The following PAPSS2 variants were observed in gnomAD, a reference collection of about 807,000 sequenced individuals.
PAPSS2 encodes the protein 3'-phosphoadenosine 5'-phosphosulfate synthase 2.
In PAPSS2, 61 loss-of-function variants were observed where a neutral mutation model predicts 66.5. The ratio of observed to expected loss-of-function variants is 0.92; its 90% CI spans 0.75 to 1.14. The LOEUF is 1.14. PAPSS2 is among the 50% of genes most tolerant of loss of function. PAPSS2 has a pLI of 0.00. For synonymous variants in PAPSS2, 289 were observed against 287.5 expected (o/e 1.01, Z -0.05); for missense variants, 708 against 789.6 (o/e 0.90, Z 1.24).
chr10:87,669,738 C>T (rs77361232), intron 1 of PAPSS2, among the ~76,000 whole-genome samples: 2,666 of 152,270 alleles, frequency 0.018, 76 homozygotes, highest in African/African-American at 0.06. Context: ...TTCACCATCT[C>T]GCGAAGCAAG....
chr10:87,678,645 A>G (rs1852979265), intron 1 of PAPSS2, among the ~76,000 whole-genome samples: 1 of 152,220 alleles, frequency 6.6e-6, no homozygotes, highest in South Asian at 2.1e-4. Flanking sequence ...CAATTCTCAA[A>G]AGAAGACATG....
intron 1 of PAPSS2, among the ~76,000 whole-genome samples, chr10:87,680,110 G>T (rs1386112819): frequency 6.6e-6 from 1 of 151,866 alleles, no homozygotes; most frequent in Non-Finnish European, 1.5e-5. Context: ...TATTGATCAG[G>T]AGGATTTCCA....
chr10:87,743,587 G>A lies in PAPSS2; in HGVS notation c.1437G>A (p.Lys479=). The change falls in exon 11 of 13, where the codon AAG becomes AAA. Residue 479 remains lysine (K), a synonymous_variant. Transcript: ENST00000456849. Reference sequence around the variant, plus strand: ...TCGAGGAAGGGGTCCTGGATCCCAAGTCAACCATTGTTGCCATCTTTCCGT... The same window carrying A: ...TCGAGGAAGGGGTCCTGGATCCCAAATCAACCATTGTTGCCATCTTTCCGT... ...AVLEEGVLDP[K]STIVAIFPSP... is the part of the protein sequence containing the mutation. The A allele has an allele frequency of 6.2e-7, 1 of 1,614,154 alleles. No homozygotes were observed. Among genetic ancestry groups the A allele is most frequent in the Non-Finnish European group, 8.5e-7 (1 of 1,180,010 alleles).
intron 1 of PAPSS2, among the ~76,000 whole-genome samples, chr10:87,696,538 A>T (rs1853236925): frequency 6.6e-6 from 1 of 152,218 alleles, no homozygotes; most frequent in African/African-American, 2.4e-5. Context: ...AATATCATAG[A>T]TATGCCTATA....
chr10:87,725,810 C>G (rs1853651216), intron 8 of PAPSS2, among the ~76,000 whole-genome samples: 1 of 151,738 alleles, frequency 6.6e-6, no homozygotes, highest in Non-Finnish European at 1.5e-5. Context: ...ACCCTCTTGC[C>G]TCAGCCTCCT....
chr10:87,709,873 A>G (rs1853443436), intron 2 of PAPSS2, among the ~76,000 whole-genome samples: 1 of 152,248 alleles, frequency 6.6e-6, no homozygotes, highest in Non-Finnish European at 1.5e-5. Context: ...TTACAGAAAT[A>G]ACTTGCTGCT....
chr10:87,679,493 C>A (rs992026924), intron 1 of PAPSS2, among the ~76,000 whole-genome samples: 1 of 152,146 alleles, frequency 6.6e-6, no homozygotes, highest in African/African-American at 2.4e-5. Flanking sequence ...CTTCAAATAC[C>A]CTGACTTAAT....
chr10:87,740,180 C>A (rs780602735), intron 9 of PAPSS2, among the ~76,000 whole-genome samples: 61 of 151,774 alleles, frequency 4.0e-4, no homozygotes, highest in Non-Finnish European at 7.7e-4. Flanking sequence ...AATGATAAAT[C>A]TTAAGGTTTC....
In PAPSS2 at chr10:87,741,242, T is replaced by A; in HGVS notation, c.1094T>A (p.Met365Lys). The change falls in exon 10 of 13, where the codon ATG becomes AAG. Residue 365 changes from methionine to lysine, a missense_variant. Coordinates refer to ENST00000456849, the MANE Select transcript of PAPSS2 (RefSeq NM_001015880.2). ...TAACAATGTTCTTTCTAGATGGTGA[T>A]GGAAAGTGGGGACTGGCTGGTTGGT... ...CTKHPHIKMV[M>K]ESGDWLVGGD... 6.2e-7 allele frequency: 1 copy of A among 1,613,728 alleles called. No individual in the cohort carries two copies. The highest frequency in any genetic ancestry group is 8.5e-7 in the Non-Finnish European group (1 of 1,179,646).
chr10:87,676,596 T>G (rs1227449413), intron 1 of PAPSS2, among the ~76,000 whole-genome samples: 1 of 152,212 alleles, frequency 6.6e-6, no homozygotes, highest in Non-Finnish European at 1.5e-5. Context: ...ATTGCCTGAC[T>G]TCGTTTATCT....
chr10:87,699,623 G>A (rs1307472839), intron 1 of PAPSS2, among the ~76,000 whole-genome samples: 2 of 151,966 alleles, frequency 1.3e-5, no homozygotes, highest in Non-Finnish European at 2.9e-5. Context: ...AGGCTGAGGC[G>A]GGCCAATCAC....
chr10:87,714,203 C>T (rs7914388), intron 4 of PAPSS2, 21 bp downstream of exon 4: 11 of 1,609,826 alleles, frequency 6.8e-6, no homozygotes, highest in Middle Eastern at 1.6e-4. Context: ...TGGCTAGTAG[C>T]GTCTACCAGT....
At chr10:87,679,234 T>C (rs1852986499) in intron 1 of PAPSS2, among the ~76,000 whole-genome samples, 1 of 152,116 alleles carries the variant, frequency 6.6e-6, no homozygotes, top group Admixed American at 6.5e-5. Context: ...AAACTTGATA[T>C]CATCAAGGTA....
intron 1 of PAPSS2, among the ~76,000 whole-genome samples, chr10:87,691,965 G>A (rs1023333090): frequency 1.1e-4 from 16 of 152,034 alleles, no homozygotes; most frequent in African/African-American, 3.9e-4. Context: ...AAATTAAAGG[G>A]AATTTTACTC....
rs372592093 is a variant in PAPSS2, at chr10:87,713,044, G to T, written c.146-31G>T. On this transcript the variant is annotated intron_variant, in intron 2 of 12. Coordinates refer to ENST00000456849, the MANE Select transcript of PAPSS2 (RefSeq NM_001015880.2). The stretch of plus-strand genomic sequence containing the variant: ...TTTGTCATCTTAAACTATCCAGGCC[G>T]ATGTCAGTCTGTTTTATCTGTTCTG... 3.5e-5 allele frequency: 42 copies of T among 1,199,710 alleles called. 1 individual carries two copies. In the East Asian group the frequency reaches 9.4e-4, roughly 27 times the overall value. The allele number at this position is 1,199,710 out of a possible 1,614,324, so 74.3% of individuals were successfully genotyped here. A position where few individuals can be genotyped will look rare whatever the true frequency, so the allele number is the denominator to read the frequency against.
At chr10:87,703,988 C>G (rs1252865732) in intron 1 of PAPSS2, 1 of 497,426 alleles carries the variant, frequency 2.0e-6, no homozygotes, top group South Asian at 1.5e-5. Context: ...CTTTCCAAAG[C>G]TTAGAACATC....
intron 12 of PAPSS2, among the ~76,000 whole-genome samples, chr10:87,745,516 G>C (rs757055371): frequency 2.6e-5 from 4 of 152,210 alleles, no homozygotes; most frequent in Non-Finnish European, 5.9e-5. Flanking sequence ...CATAGAAAGA[G>C]ATTGCAATGA....
intron 1 of PAPSS2, among the ~76,000 whole-genome samples, chr10:87,699,828 A>AAAG (rs1159052142): frequency 6.6e-6 from 1 of 151,350 alleles, no homozygotes; most frequent in African/African-American, 2.4e-5. Context: ...AAAAAAAAAA[A>AAAG]GAATCAAACT....
chr10:87,683,365 C>A (rs1194960425), intron 1 of PAPSS2, among the ~76,000 whole-genome samples: 1 of 152,188 alleles, frequency 6.6e-6, no homozygotes, highest in African/African-American at 2.4e-5. Flanking sequence ...CCCACCTCAG[C>A]CTCCCAAAGT....
Sources: gnomAD v4.1 joint callset for allele counts (sites outside exome capture counted in the v4.1 genomes callset) on GRCh38, gnomAD v4.1.1 for gene constraint, MANE v1.5 for transcripts, NCBI Gene and HGNC (gene_info 2026-07-23, HGNC 2026-07-21) for gene names.